HDX: variants seen among roughly 807,000 people sequenced by gnomAD.
HDX encodes highly divergent homeobox, also known as chromosome X open reading frame 43.
In HDX, 19 loss-of-function variants were observed where a neutral mutation model predicts 45.2. The observed-to-expected ratio is 0.42, with a 90% CI of 0.29 to 0.62. The LOEUF (loss-of-function observed/expected upper bound fraction) is 0.62, where lower values mean the gene tolerates loss of function less well. Ranked by LOEUF, HDX falls within the 20% of genes least tolerant of loss-of-function variation. The probability of loss-of-function intolerance (pLI) is 0.20; values close to 1 mark genes in which losing one functional copy is unlikely to be tolerated. For missense variants in HDX, 532 were observed against 493.9 expected, an observed-to-expected ratio of 1.08 and a Z score of -0.73; for synonymous variants, 188 against 172.8, an observed-to-expected ratio of 1.09 and a Z score of -0.69.
chrX:84,331,699 ATGT>A (rs1283187399), intron 9 of HDX, among the ~76,000 whole-genome samples: 3 of 111,839 alleles, frequency 2.7e-5, no homozygotes, highest in Non-Finnish European at 3.8e-5. Context: ...TCACCTAGTG[ATGT>A]TGTAGCCATC....
intron 5 of HDX, among the ~76,000 whole-genome samples, chrX:84,432,051 G>A (rs1472291353): frequency 9.0e-6 from 1 of 110,667 alleles, no homozygotes; most frequent in Non-Finnish European, 1.9e-5. Flanking sequence ...TCTTCTACAT[G>A]TGACTAGTCA....
chrX:84,453,802 G>A (rs144162257), intron 4 of HDX, among the ~76,000 whole-genome samples: 1,471 of 111,908 alleles, frequency 0.013, 36 homozygotes, highest in African/African-American at 0.046. Context: ...GATTGCAGCT[G>A]TGGGAGCGAC....
chrX:84,411,748 A>G (rs946615507), intron 5 of HDX, among the ~76,000 whole-genome samples: 2 of 111,289 alleles, frequency 1.8e-5, no homozygotes, highest in African/African-American at 6.5e-5. Context: ...AATTTGTATA[A>G]TACTGTCAGT....
At chrX:84,378,302 A>T in intron 5 of HDX, among the ~76,000 whole-genome samples, 1 of 111,863 alleles carries the variant, frequency 8.9e-6, no homozygotes, top group Non-Finnish European at 1.9e-5. Context: ...AGCAATAAGT[A>T]ATCACTTTAA....
chrX:84,333,130 T>G (rs73625976), intron 9 of HDX, among the ~76,000 whole-genome samples: 39 of 111,769 alleles, frequency 3.5e-4, no homozygotes, highest in African/African-American at 1.2e-3. Context: ...GATAGGATAA[T>G]GATTATCAAA....
At chrX:84,375,660 C>T (rs758316292) in intron 5 of HDX, among the ~76,000 whole-genome samples, 2 of 108,758 alleles carry the variant, frequency 1.8e-5, no homozygotes, top group African/African-American at 3.4e-5. Flanking sequence ...AACCAAACAC[C>T]GCATTTTCTC....
At position 84,321,291 on chromosome X, in the gene HDX, A is replaced by G. The variant is rs753647880; in HGVS notation, c.*598T>C. ...CCACCCCCACACAAATATTTGGGTT[A>G]GATAATAGAAGAACACCAGCAATTT... On this transcript the variant is annotated 3_prime_UTR_variant, in exon 11 of 11. Coordinates refer to ENST00000373177, the MANE Select transcript of HDX (RefSeq NM_001177479.2). The G allele has an allele frequency of 1.8e-5, 2 of 111,104 alleles. No homozygotes were observed. Among genetic ancestry groups the G allele is most frequent in the Non-Finnish European group, 3.8e-5 (2 of 52,518 alleles). 9.2% of individuals were successfully genotyped at this position (111,104 alleles called of 1,213,427 possible).
intron 4 of HDX, among the ~76,000 whole-genome samples, chrX:84,459,950 A>C (rs774986283): frequency 9.0e-6 from 1 of 111,357 alleles, no homozygotes; most frequent in Non-Finnish European, 1.9e-5. Context: ...GGAACTGAAA[A>C]ATTTCTAGAT....
At chrX:84,423,948 T>C (rs1164639564) in intron 5 of HDX, among the ~76,000 whole-genome samples, 1 of 111,370 alleles carries the variant, frequency 9.0e-6, no homozygotes, top group Non-Finnish European at 1.9e-5. Flanking sequence ...TTATTCAACA[T>C]AGTCCTGGAA....
intron 5 of HDX, among the ~76,000 whole-genome samples, chrX:84,435,589 G>T (rs374478527): frequency 3.8e-5 from 4 of 106,530 alleles, no homozygotes; most frequent in East Asian, 3.0e-4. Context: ...GTCAATTTTG[G>T]CTTTTGTTGC....
intron 5 of HDX, among the ~76,000 whole-genome samples, chrX:84,376,855 C>T (rs1003494443): frequency 1.6e-4 from 18 of 112,263 alleles, no homozygotes; most frequent in African/African-American, 5.8e-4. Context: ...CCCGGGTTGG[C>T]TTGTTTTGCC....
chrX:84,391,185 A>G (rs1352555913), intron 5 of HDX, among the ~76,000 whole-genome samples: 1 of 100,147 alleles, frequency 1.0e-5, no homozygotes, highest in African/African-American at 3.5e-5. Context: ...GCTGTCACAT[A>G]TGAATGAGAA....
intron 5 of HDX, among the ~76,000 whole-genome samples, chrX:84,417,886 C>T (rs765037142): frequency 3.0e-4 from 34 of 111,920 alleles, no homozygotes; most frequent in African/African-American, 9.1e-4. Flanking sequence ...CTTTCTCTAA[C>T]GAGAGAGGAG....
intron 5 of HDX, among the ~76,000 whole-genome samples, chrX:84,424,329 GA>G (rs1232515284): frequency 9.1e-6 from 1 of 109,745 alleles, no homozygotes; most frequent in Non-Finnish European, 1.9e-5. Context: ...ACCAAAAAAT[GA>G]AAAAAATACT....
intron 5 of HDX, among the ~76,000 whole-genome samples, chrX:84,375,014 C>A (rs1324812039): frequency 9.4e-6 from 1 of 105,941 alleles, no homozygotes; most frequent in Non-Finnish European, 1.9e-5. Context: ...GGGCTAATAT[C>A]CAGAATCTAC....
chrX:84,378,514 T>G (rs2147896085), intron 5 of HDX, among the ~76,000 whole-genome samples: 1 of 111,352 alleles, frequency 9.0e-6, no homozygotes, highest in African/African-American at 3.2e-5. Context: ...GAGAACAAAC[T>G]TAAGGTGTAG....
At chrX:84,458,330 A>G (rs1285358701) in intron 4 of HDX, among the ~76,000 whole-genome samples, 1 of 111,690 alleles carries the variant, frequency 9.0e-6, no homozygotes, top group Non-Finnish European at 1.9e-5. Flanking sequence ...CAATTCCTAA[A>G]CTGAATCTGT....
intron 2 of HDX, among the ~76,000 whole-genome samples, chrX:84,478,746 C>T (rs1344477338): frequency 9.1e-6 from 1 of 110,407 alleles, no homozygotes; most frequent in East Asian, 2.9e-4. Flanking sequence ...GTAGTCCTAG[C>T]TATTCAGGAG....
intron 5 of HDX, among the ~76,000 whole-genome samples, chrX:84,387,907 G>A (rs1384807860): frequency 8.9e-6 from 1 of 111,948 alleles, no homozygotes; most frequent in East Asian, 2.8e-4. Flanking sequence ...CCTGTGTGCT[G>A]TGTACTTATG....
Sources: allele counts gnomAD v4.1 joint callset (sites outside exome capture counted in the v4.1 genomes callset), GRCh38; gene constraint gnomAD v4.1.1; transcripts MANE v1.5; gene names NCBI Gene and HGNC (gene_info 2026-07-23, HGNC 2026-07-21).